The following NKAIN3 variants were observed in gnomAD, a reference collection of about 807,000 sequenced individuals.
NKAIN3 encodes the protein sodium/potassium transporting ATPase interacting 3, also known as sodium/potassium-transporting ATPase subunit beta-1-interacting protein 3.
NKAIN3 carries 25 observed loss-of-function variants against 30.2 expected under a neutral mutation model. The ratio of observed to expected loss-of-function variants is 0.83; its 90% CI spans 0.60 to 1.16. NKAIN3 has a LOEUF of 1.16. Among genes scored for constraint, NKAIN3 ranks in the 50% most tolerant of loss-of-function variants. NKAIN3 has a pLI of 0.00. For missense variants in NKAIN3, 225 were observed against 254.1 expected, an observed-to-expected ratio of 0.89 and a Z score of 0.78; for synonymous variants, 91 against 89.6, an observed-to-expected ratio of 1.02 and a Z score of -0.09.
chr8:62,857,946 T>C, intron 4 of NKAIN3, among the ~76,000 whole-genome samples: 1 of 152,248 alleles, frequency 6.6e-6, no homozygotes, highest in East Asian at 1.9e-4. Flanking sequence ...TTGACATTTT[T>C]GAGTTGATTC....
intron 4 of NKAIN3, among the ~76,000 whole-genome samples, chr8:62,775,553 T>C (rs984157649): frequency 2.0e-5 from 3 of 152,082 alleles, no homozygotes; most frequent in Non-Finnish European, 1.5e-5. Flanking sequence ...TTATAAACTG[T>C]CCTCTTAGTA....
intron 5 of NKAIN3, among the ~76,000 whole-genome samples, chr8:62,930,258 C>T (rs1585588015): frequency 6.8e-6 from 1 of 146,364 alleles, no homozygotes; most frequent in Admixed American, 6.8e-5. Flanking sequence ...CTCCATTCTA[C>T]CTTTTTTTTT....
intron 1 of NKAIN3, among the ~76,000 whole-genome samples, chr8:62,352,895 G>T (rs181860620): frequency 8.7e-4 from 133 of 152,238 alleles, no homozygotes; most frequent in African/African-American, 3.1e-3. Flanking sequence ...TAGTATTTTG[G>T]AGTGAATGAA....
intron 4 of NKAIN3, among the ~76,000 whole-genome samples, chr8:62,799,743 C>A (rs1010977313): frequency 6.6e-6 from 1 of 152,204 alleles, no homozygotes; most frequent in Non-Finnish European, 1.5e-5. Context: ...GATACTTGCA[C>A]ATGCATGTTT....
intron 1 of NKAIN3, among the ~76,000 whole-genome samples, chr8:62,352,368 C>G (rs1157312597): frequency 6.6e-6 from 1 of 152,224 alleles, no homozygotes; most frequent in African/African-American, 2.4e-5. Flanking sequence ...ACACCTTTCT[C>G]TCTTAGCACA....
At chr8:62,324,680 A>G (rs980297678) in intron 1 of NKAIN3, among the ~76,000 whole-genome samples, 1 of 152,148 alleles carries the variant, frequency 6.6e-6, no homozygotes, top group African/African-American at 2.4e-5. Context: ...AGAAAGAACT[A>G]TATTCCAGAA....
At chr8:62,374,159 A>AAGAAAG (rs373917914) in intron 1 of NKAIN3, among the ~76,000 whole-genome samples, 2 of 151,666 alleles carry the variant, frequency 1.3e-5, no homozygotes, top group African/African-American at 2.4e-5. Flanking sequence ...AGAAGAAAGA[A>AAGAAAG]AGAAAGAGAA....
chr8:62,953,800 C>A (rs565428138), intron 5 of NKAIN3, 102 bp from the exon 6 acceptor site: 1 of 201,916 alleles, frequency 5.0e-6, no homozygotes, highest in East Asian at 1.9e-4. Flanking sequence ...TTATGGTGAA[C>A]GGATATTTTT....
chr8:62,898,245 C>A (rs4237057), intron 4 of NKAIN3, among the ~76,000 whole-genome samples: 47,185 of 151,834 alleles, frequency 0.31, 8,105 homozygotes, highest in East Asian at 0.69. Flanking sequence ...ATCATTATAT[C>A]AAAAAGACAC....
At chr8:62,512,937 T>C (rs886270409) in intron 1 of NKAIN3, among the ~76,000 whole-genome samples, 2 of 151,962 alleles carry the variant, frequency 1.3e-5, no homozygotes. Context: ...TAGAAACAAA[T>C]AAAATTAACC....
At chr8:62,407,625 G>GT (rs375922878) in intron 1 of NKAIN3, among the ~76,000 whole-genome samples, 7 of 152,138 alleles carry the variant, frequency 4.6e-5, no homozygotes, top group African/African-American at 1.7e-4. Context: ...TTGAGTTGGG[G>GT]TTTCACCGTG....
chr8:62,408,504 CAT>C (rs1472205108), intron 1 of NKAIN3, among the ~76,000 whole-genome samples: 4 of 152,072 alleles, frequency 2.6e-5, no homozygotes, highest in African/African-American at 9.7e-5. Context: ...TAAAAATAAA[CAT>C]GTTTCTTATA....
At chr8:62,807,416 T>C (rs995373338) in intron 4 of NKAIN3, among the ~76,000 whole-genome samples, 1 of 152,294 alleles carries the variant, frequency 6.6e-6, no homozygotes, top group Middle Eastern at 3.4e-3. Context: ...CTATTTACTA[T>C]ATTTTTCACT....
intron 1 of NKAIN3, among the ~76,000 whole-genome samples, chr8:62,442,645 AT>A (rs1283857466): frequency 2.0e-5 from 3 of 150,840 alleles, no homozygotes; most frequent in Admixed American, 6.6e-5. Flanking sequence ...TTATTATAGT[AT>A]TTTTTATGTT....
intron 1 of NKAIN3, chr8:62,473,822 G>T (rs1351206558): frequency 6.6e-6 from 1 of 152,066 alleles, no homozygotes; most frequent in Non-Finnish European, 1.5e-5. Context: ...CTTTCCCAGG[G>T]ATACAGTTAG....
intron 1 of NKAIN3, among the ~76,000 whole-genome samples, chr8:62,317,147 T>C (rs937923537): frequency 6.6e-6 from 1 of 152,220 alleles, no homozygotes; most frequent in African/African-American, 2.4e-5. Context: ...TAAATTTGTT[T>C]GATTTCATTG....
intron 4 of NKAIN3, among the ~76,000 whole-genome samples, chr8:62,807,914 G>C (rs1818355658): frequency 6.6e-6 from 1 of 151,098 alleles, no homozygotes; most frequent in African/African-American, 2.4e-5. Context: ...TTAAAAATAG[G>C]CTATATGTTT....
chr8:62,547,035 T>C (rs911055412), intron 1 of NKAIN3, among the ~76,000 whole-genome samples: 1 of 152,220 alleles, frequency 6.6e-6, no homozygotes, highest in Non-Finnish European at 1.5e-5. Flanking sequence ...TACTGTTGTC[T>C]ATCTGTGGTC....
At chr8:62,774,200 T>C (rs1563555745) in intron 4 of NKAIN3, among the ~76,000 whole-genome samples, 2 of 152,232 alleles carry the variant, frequency 1.3e-5, no homozygotes, top group African/African-American at 2.4e-5. Context: ...GGTTTCTTTT[T>C]CAGATTGTTT....
Sources: gnomAD v4.1 joint callset for allele counts (sites outside exome capture counted in the v4.1 genomes callset) on GRCh38, gnomAD v4.1.1 for gene constraint, MANE v1.5 for transcripts, NCBI Gene and HGNC (gene_info 2026-07-23, HGNC 2026-07-21) for gene names.